CHST10: variants seen among roughly 807,000 people sequenced by gnomAD.
CHST10 encodes the protein carbohydrate sulfotransferase 10.
CHST10 carries 24 observed loss-of-function variants against 34.7 expected under a neutral mutation model. The ratio of observed to expected loss-of-function variants is 0.69; its 90% CI spans 0.50 to 0.97. CHST10 has a LOEUF of 0.97. Among genes scored for constraint, CHST10 ranks in the 50% least tolerant of loss-of-function variants. The probability of loss-of-function intolerance (pLI) is 0.00; values close to 1 mark genes in which losing one functional copy is unlikely to be tolerated. For missense variants in CHST10, 402 were observed against 452.1 expected, an observed-to-expected ratio of 0.89 and a Z score of 1.00; for synonymous variants, 161 against 169.3, an observed-to-expected ratio of 0.95 and a Z score of 0.38.
chr2:100,395,026 C>T (rs6739953), intron 6 of CHST10, among the ~76,000 whole-genome samples: 505 of 152,212 alleles, frequency 3.3e-3, no homozygotes, highest in African/African-American at 0.01. Flanking sequence ...GCCTGGACTC[C>T]GTCCTTGCTG....
At chr2:100,399,102 C>CTT (rs34834152) in intron 4 of CHST10, among the ~76,000 whole-genome samples, 11 of 137,646 alleles carry the variant, frequency 8.0e-5, no homozygotes, top group African/African-American at 2.1e-4. Flanking sequence ...CTCTCTCTCT[C>CTT]TTTTTTTTTT....
At chr2:100,404,239 T>A (rs113346493) in intron 3 of CHST10, among the ~76,000 whole-genome samples, 103 of 152,048 alleles carry the variant, frequency 6.8e-4, no homozygotes, top group African/African-American at 2.4e-3. Flanking sequence ...TCTCACTGAG[T>A]TCACTGCACA....
chr2:100,416,772 T>G (rs1454231116), intron 1 of CHST10: 1 of 364,878 alleles, frequency 2.7e-6, no homozygotes, highest in East Asian at 7.4e-5. Context: ...CTGCACTACT[T>G]TCCATTCACT....
In CHST10 at chr2:100,395,343, G is replaced by A. The variant is rs569693182; in HGVS notation, c.533+166C>T. Reference sequence around the variant, plus strand: ...CAGAAGGAACTGAGAGTTTTGAGGCGCCGAATGGGGGGTGTAGCTTAGCTG... The same window carrying A: ...CAGAAGGAACTGAGAGTTTTGAGGCACCGAATGGGGGGTGTAGCTTAGCTG... On this transcript the variant is annotated intron_variant, in intron 6 of 6. Transcript: ENST00000264249. Among the ~76,000 whole-genome samples, 8 of 152,278 alleles carry A rather than the reference G, an allele frequency of 5.3e-5. No individual in the cohort carries two copies. In the South Asian group the frequency reaches 1.5e-3, roughly 28 times the overall value.
intron 3 of CHST10, among the ~76,000 whole-genome samples, chr2:100,403,282 G>A (rs371617004): frequency 1.3e-5 from 2 of 152,112 alleles, no homozygotes; most frequent in African/African-American, 2.4e-5. Flanking sequence ...AAAAACCAGC[G>A]CCTACAAACA....
chr2:100,407,933 A>C (rs899482413), intron 2 of CHST10: 1 of 152,112 alleles, frequency 6.6e-6, no homozygotes, highest in Non-Finnish European at 1.5e-5. Context: ...CCCCAAGTTA[A>C]GATTGAATTT....
chr2:100,401,950 G>A (rs762897605), intron 4 of CHST10, among the ~76,000 whole-genome samples: 4 of 152,276 alleles, frequency 2.6e-5, no homozygotes, highest in East Asian at 3.9e-4. Flanking sequence ...TGGGGGTTAC[G>A]AAGTGAGAGG....
At chr2:100,400,549 A>T (rs574014481) in intron 4 of CHST10, among the ~76,000 whole-genome samples, 1 of 151,778 alleles carries the variant, frequency 6.6e-6, no homozygotes, top group East Asian at 2.0e-4. Context: ...TAAAGAAAAA[A>T]GATTTCTTGT....
chr2:100,417,096 G>A (rs1676098304), intron 1 of CHST10: 1 of 1,290,650 alleles, frequency 7.7e-7, no homozygotes, highest in Non-Finnish European at 1.0e-6. Context: ...CAAATTCTCA[G>A]CCAAGGATGA....
intron 2 of CHST10, among the ~76,000 whole-genome samples, chr2:100,409,011 T>C (rs1051681842): frequency 5.3e-5 from 8 of 151,952 alleles, no homozygotes; most frequent in Admixed American, 5.2e-4. Flanking sequence ...CAACCCACCC[T>C]CTCCTAGGAT....
chr2:100,396,722 G>A (rs1290987595), intron 5 of CHST10, among the ~76,000 whole-genome samples: 2 of 152,072 alleles, frequency 1.3e-5, no homozygotes, highest in East Asian at 3.9e-4. Flanking sequence ...GTGCACTAGT[G>A]GTTACCGAAG....
At chr2:100,414,073 G>A (rs2104266681) in intron 2 of CHST10, among the ~76,000 whole-genome samples, 1 of 152,274 alleles carries the variant, frequency 6.6e-6, no homozygotes, top group South Asian at 2.1e-4. Context: ...GGTGACAGGT[G>A]CAGTGGCTAA....
rs367608229 is a variant in CHST10 at position 100,391,972 on chromosome 2, G to A, written c.*1273C>T. On this transcript the variant is annotated 3_prime_UTR_variant, in exon 7 of 7. Transcript: ENST00000264249. The stretch of plus-strand genomic sequence containing the variant: ...GAAGCCTGGCTCCCTCCTCCACCCC[G>A]GGCTCGGCGGCACCATGCAGGCTCA... The A allele has an allele frequency of 1.6e-4, 24 of 152,878 alleles. No homozygotes were observed. Among genetic ancestry groups the A allele is most frequent in the African/African-American group, 5.5e-4 (23 of 41,578 alleles). 9.5% of individuals were successfully genotyped at this position (152,878 alleles called of 1,614,324 possible). A position where few individuals can be genotyped will look rare whatever the true frequency, so the allele number is the denominator to read the frequency against.
intron 4 of CHST10, among the ~76,000 whole-genome samples, chr2:100,399,364 C>G (rs891983162): frequency 2.6e-5 from 4 of 152,204 alleles, no homozygotes; most frequent in Non-Finnish European, 5.9e-5. Flanking sequence ...CTCGGCCTCC[C>G]AAAGTGCTGG....
intron 1 of CHST10, chr2:100,417,014 C>T (rs889401196): frequency 2.1e-5 from 28 of 1,304,254 alleles, no homozygotes; most frequent in African/African-American, 7.6e-5. Context: ...TCCTTCTTCC[C>T]TGCCTTCCTC....
At chr2:100,398,809 T>A (rs1675197657) in intron 4 of CHST10, among the ~76,000 whole-genome samples, 1 of 152,208 alleles carries the variant, frequency 6.6e-6, no homozygotes, top group South Asian at 2.1e-4. Flanking sequence ...GGTCCATTCT[T>A]TTCAGGGCTG....
In CHST10 at chr2:100,393,752, T is replaced by A; in HGVS notation, c.564A>T (p.Val188=). 7 of 1,610,992 alleles carry A rather than the reference T, an allele frequency of 4.3e-6. No homozygotes were observed. Among genetic ancestry groups the A allele is most frequent in the Non-Finnish European group, 5.9e-6 (7 of 1,179,362 alleles). The change falls in exon 7 of 7, where the codon GTA becomes GTT. Residue 188 remains valine (V), a synonymous_variant. Coordinates refer to ENST00000264249, the MANE Select transcript of CHST10 (RefSeq NM_004854.5). The part of the protein sequence containing the change: ...RLKTYFKFFI[V]RDPFERLISA... ...AAATAAGTCTTTCGAAGGGATCTCT[T>A]ACAATAAAAAACTTGAAGTATGTTT...
chr2:100,402,160 A>G (rs78441661), intron 4 of CHST10, among the ~76,000 whole-genome samples: 5,833 of 152,192 alleles, frequency 0.038, 359 homozygotes, highest in African/African-American at 0.13. Context: ...CATCCATACA[A>G]TTTGGAGGCT....
chr2:100,395,342 C>A (rs900806815), intron 6 of CHST10, among the ~76,000 whole-genome samples, 167 bp downstream of exon 6: 2 of 152,132 alleles, frequency 1.3e-5, no homozygotes, highest in African/African-American at 4.8e-5. Context: ...AGTTTTGAGG[C>A]GCCGAATGGG....
Sources: allele counts gnomAD v4.1 joint callset (sites outside exome capture counted in the v4.1 genomes callset), GRCh38; gene constraint gnomAD v4.1.1; transcripts MANE v1.5; gene names NCBI Gene and HGNC (gene_info 2026-07-23, HGNC 2026-07-21).